Variants in KAZN observed in about 807,000 individuals in gnomAD.
KAZN encodes the protein kazrin.
Under a neutral mutation model 87.4 loss-of-function variants are expected in KAZN, and 40 were observed. That is an observed-to-expected ratio of 0.46 (90% CI 0.36 to 0.60). The LOEUF (loss-of-function observed/expected upper bound fraction) is 0.60. Ranked by LOEUF, KAZN falls within the 20% of genes least tolerant of loss-of-function variation. The probability of loss-of-function intolerance (pLI) is 0.00; values close to 1 mark genes in which losing one functional copy is unlikely to be tolerated. For synonymous variants in KAZN, 466 were observed against 458.3 expected (o/e 1.02, Z -0.22); for missense variants, 898 against 1,073.9 (o/e 0.84, Z 2.29).
chr1:14,252,638 C>T (rs1650151719), intron 2 of KAZN, among the ~76,000 whole-genome samples: 1 of 152,170 alleles, frequency 6.6e-6, no homozygotes, highest in South Asian at 2.1e-4. Context: ...CCATCCTATT[C>T]CATATAGCTC....
chr1:14,449,794 C>T (rs1050192753), intron 2 of KAZN, among the ~76,000 whole-genome samples: 3 of 152,128 alleles, frequency 2.0e-5, no homozygotes, highest in African/African-American at 7.2e-5. Context: ...GCTTTCTGAA[C>T]AATGGGCTGA....
chr1:14,866,743 T>C (rs1651504920), intron 1 of KAZN, among the ~76,000 whole-genome samples: 2 of 152,000 alleles, frequency 1.3e-5, no homozygotes, highest in Non-Finnish European at 2.9e-5. Flanking sequence ...AAAAAAAATG[T>C]TGAAGGATAA....
At chr1:14,400,695 C>A (rs1422703586) in intron 2 of KAZN, among the ~76,000 whole-genome samples, 1 of 152,210 alleles carries the variant, frequency 6.6e-6, no homozygotes, top group Non-Finnish European at 1.5e-5. Flanking sequence ...CATCAACCCT[C>A]AATAACCATT....
chr1:14,617,126 A>G (rs1478553080), intron 1 of KAZN, among the ~76,000 whole-genome samples: 2 of 152,202 alleles, frequency 1.3e-5, no homozygotes, highest in South Asian at 2.1e-4. Flanking sequence ...ACATCCTAGC[A>G]TGCCTTCTTG....
At chr1:15,109,616 T>C (rs1404394194) in intron 13 of KAZN, among the ~76,000 whole-genome samples, 1 of 140,622 alleles carries the variant, frequency 7.1e-6, no homozygotes, top group Non-Finnish European at 1.5e-5. Flanking sequence ...TGGGTATGTG[T>C]GTGTGTGTGT....
At chr1:14,324,905 G>C (rs1203119793) in intron 2 of KAZN, among the ~76,000 whole-genome samples, 1 of 151,984 alleles carries the variant, frequency 6.6e-6, no homozygotes, top group African/African-American at 2.4e-5. Context: ...TTTCCATTAG[G>C]CCACAGAAAG....
At chr1:13,939,666 C>A (rs1203692135) in intron 1 of KAZN, among the ~76,000 whole-genome samples, 1 of 152,164 alleles carries the variant, frequency 6.6e-6, no homozygotes, top group Non-Finnish European at 1.5e-5. Flanking sequence ...CTGTTTTAGG[C>A]TATTCTTGTA....
At chr1:15,065,990 CCA>C in intron 8 of KAZN, 2 of 1,342,734 alleles carry the variant, frequency 1.5e-6, no homozygotes, top group Non-Finnish European at 1.9e-6. Context: ...CCCTGCGTCG[CCA>C]CCTCTGTAAT....
At chr1:13,989,512 C>T (rs2101105143) in intron 1 of KAZN, among the ~76,000 whole-genome samples, 1 of 152,272 alleles carries the variant, frequency 6.6e-6, no homozygotes, top group Middle Eastern at 3.4e-3. Context: ...CCTACATAGA[C>T]ATAGGCCAAT....
At chr1:14,000,769 T>G (rs1639749719) in intron 1 of KAZN, among the ~76,000 whole-genome samples, 1 of 152,012 alleles carries the variant, frequency 6.6e-6, no homozygotes, top group African/African-American at 2.4e-5. Flanking sequence ...TGTCTCTGTT[T>G]GCAGATGACA....
intron 2 of KAZN, among the ~76,000 whole-genome samples, chr1:14,409,469 T>A (rs189402096): frequency 6.6e-6 from 1 of 152,330 alleles, no homozygotes; most frequent in African/African-American, 2.4e-5. Context: ...AACAAAATTA[T>A]TGTCTGAAAA....
chr1:14,426,480 G>A (rs1665731569), intron 2 of KAZN, among the ~76,000 whole-genome samples: 1 of 152,186 alleles, frequency 6.6e-6, no homozygotes, highest in Non-Finnish European at 1.5e-5. Context: ...CACTGCCATG[G>A]TACATGGAAT....
At chr1:14,434,329 G>A (rs570750979) in intron 2 of KAZN, among the ~76,000 whole-genome samples, 38 of 152,284 alleles carry the variant, frequency 2.5e-4, no homozygotes, top group African/African-American at 9.1e-4. Context: ...TTCAAGTCTG[G>A]GTTCTAATGG....
intron 1 of KAZN, among the ~76,000 whole-genome samples, chr1:13,895,399 T>G (rs1638999428): frequency 6.6e-6 from 1 of 152,194 alleles, no homozygotes; most frequent in Admixed American, 6.5e-5. Context: ...TGCGGCTTCA[T>G]TCACTTTCTT....
intron 2 of KAZN, among the ~76,000 whole-genome samples, chr1:14,592,691 G>A (rs995873611): frequency 1.6e-4 from 25 of 152,308 alleles, no homozygotes; most frequent in Non-Finnish European, 2.9e-4. Context: ...GACCCCATTC[G>A]TGGCTCTCTC....
intron 2 of KAZN, among the ~76,000 whole-genome samples, chr1:14,588,633 C>T (rs1675999544): frequency 6.6e-6 from 1 of 152,220 alleles, no homozygotes; most frequent in Admixed American, 6.5e-5. Flanking sequence ...ACAAAGGTGT[C>T]CGTGAGCTAG....
At chr1:14,557,766 C>A (rs554567935) in intron 2 of KAZN, among the ~76,000 whole-genome samples, 1 of 151,942 alleles carries the variant, frequency 6.6e-6, no homozygotes, top group South Asian at 2.1e-4. Flanking sequence ...GGTGAATTGG[C>A]AAGCTGGAGA....
At chr1:14,539,043 A>T (rs1273101455) in intron 2 of KAZN, among the ~76,000 whole-genome samples, 1 of 152,234 alleles carries the variant, frequency 6.6e-6, no homozygotes, top group South Asian at 2.1e-4. Context: ...GGGAAGGACT[A>T]TACCAGTGCA....
intron 4 of KAZN, among the ~76,000 whole-genome samples, chr1:15,052,248 C>T (rs1674487652): frequency 6.6e-6 from 1 of 152,064 alleles, no homozygotes; most frequent in African/African-American, 2.4e-5. Flanking sequence ...AATGGACTCA[C>T]AGTTCCACAT....
Sources: allele counts gnomAD v4.1 joint callset (sites outside exome capture counted in the v4.1 genomes callset), GRCh38; gene constraint gnomAD v4.1.1; transcripts MANE v1.5; gene names NCBI Gene and HGNC (gene_info 2026-07-23, HGNC 2026-07-21).